Variants in MACROD2 observed in about 807,000 individuals in gnomAD.
The protein encoded by MACROD2 is mono-ADP ribosylhydrolase 2, also known as ADP-ribose glycohydrolase MACROD2.
Under a neutral mutation model 70.4 loss-of-function variants are expected in MACROD2, and 36 were observed. The ratio of observed to expected loss-of-function variants is 0.51; its 90% CI spans 0.39 to 0.68. MACROD2 has a LOEUF of 0.68. Among genes scored for constraint, MACROD2 ranks in the 30% least tolerant of loss-of-function variants. The pLI is 0.00. For missense variants in MACROD2, 496 were observed against 538.4 expected, an observed-to-expected ratio of 0.92 and a Z score of 0.78; for synonymous variants, 172 against 178.8, an observed-to-expected ratio of 0.96 and a Z score of 0.30.
chr20:14,152,043 G>T lies in MACROD2; in HGVS notation c.271+66315G>T, dbSNP rs1042643280. Reference sequence around the variant, plus strand: ...TCACTGTGTTAGCCAGGATGGTCTCGATCTCCTGACCTCATGATCTGCCCG... The same window carrying T: ...TCACTGTGTTAGCCAGGATGGTCTCTATCTCCTGACCTCATGATCTGCCCG... On this transcript the variant is annotated intron_variant, in intron 3 of 17. Coordinates refer to ENST00000684519, the MANE Select transcript of MACROD2 (RefSeq NM_001351661.2). Among the ~76,000 whole-genome samples, 4 of 151,488 alleles carry T rather than the reference G, an allele frequency of 2.6e-5. No homozygotes were observed. In the East Asian group the frequency reaches 5.8e-4, roughly 22 times the overall value.
intron 3 of MACROD2, among the ~76,000 whole-genome samples, chr20:14,379,020 C>T (rs1424916874): frequency 6.6e-6 from 1 of 152,184 alleles, no homozygotes; most frequent in East Asian, 1.9e-4. Flanking sequence ...TTTCTCCGAG[C>T]ACTTTCCCCA....
At chr20:15,292,046 T>G (rs1045763866) in intron 6 of MACROD2, among the ~76,000 whole-genome samples, 1 of 152,168 alleles carries the variant, frequency 6.6e-6, no homozygotes, top group Admixed American at 6.5e-5. Context: ...TGTTGCTTTG[T>G]TTTTTGTTTT....
intron 4 of MACROD2, among the ~76,000 whole-genome samples, chr20:14,675,690 A>T (rs1234914359): frequency 6.6e-6 from 1 of 152,208 alleles, no homozygotes; most frequent in East Asian, 1.9e-4. Flanking sequence ...ACAGGATCAA[A>T]TTCACACATA....
chr20:14,570,194 A>G (rs1980094176), intron 4 of MACROD2, among the ~76,000 whole-genome samples: 1 of 152,216 alleles, frequency 6.6e-6, no homozygotes, highest in Non-Finnish European at 1.5e-5. Context: ...CGTATATACA[A>G]CGGCATGGAT....
intron 3 of MACROD2, among the ~76,000 whole-genome samples, chr20:14,140,369 T>A (rs1034195737): frequency 6.6e-5 from 10 of 152,334 alleles, no homozygotes; most frequent in Non-Finnish European, 1.3e-4. Context: ...AGGTAGTTTT[T>A]TCTGTTATTA....
At chr20:14,349,358 C>A (rs1035884409) in intron 3 of MACROD2, among the ~76,000 whole-genome samples, 1 of 150,488 alleles carries the variant, frequency 6.6e-6, no homozygotes, top group Non-Finnish European at 1.5e-5. Flanking sequence ...TCATGGAAAA[C>A]AGGGTACCCA....
At chr20:16,017,352 A>G (rs2066943143) in intron 15 of MACROD2, among the ~76,000 whole-genome samples, 1 of 152,208 alleles carries the variant, frequency 6.6e-6, no homozygotes, top group African/African-American at 2.4e-5. Flanking sequence ...CCTAGACAGT[A>G]TCTGACACTC....
At chr20:15,464,579 A>G (rs546817787) in intron 7 of MACROD2, among the ~76,000 whole-genome samples, 1 of 152,320 alleles carries the variant, frequency 6.6e-6, no homozygotes, top group East Asian at 1.9e-4. Flanking sequence ...TATGTTAACC[A>G]TTCTTGGAAT....
At chr20:15,533,997 AT>A (rs1417371993) in intron 8 of MACROD2, among the ~76,000 whole-genome samples, 1 of 152,086 alleles carries the variant, frequency 6.6e-6, no homozygotes, top group African/African-American at 2.4e-5. Context: ...TAGCCAAGAT[AT>A]TTTTTTCCCA....
chr20:14,683,600 C>G (rs1475776870), intron 4 of MACROD2, among the ~76,000 whole-genome samples: 1 of 152,070 alleles, frequency 6.6e-6, no homozygotes, highest in Non-Finnish European at 1.5e-5. Context: ...CTTGTGAGGC[C>G]AAAAGTGATG....
Position 15,064,487 on chromosome 20 carries a change from T to A in MACROD2, c.419-165453T>A, listed in dbSNP as rs183467494. On this transcript the variant is annotated intron_variant, in intron 5 of 17. Transcript: ENST00000684519. ...CCTTTCTAATATTTCACATTGAAGT[T>A]CTTATAATGCAGAATCTCCCTGAAA... is the stretch of plus-strand genomic sequence containing the variant. Among the ~76,000 whole-genome samples the A allele has an allele frequency of 6.6e-5, 10 of 152,336 alleles. No individual in the cohort carries two copies. In the East Asian group the frequency reaches 1.9e-3, roughly 29 times the overall value.
intron 5 of MACROD2, among the ~76,000 whole-genome samples, chr20:14,881,032 A>G (rs958782655): frequency 1.3e-5 from 2 of 152,128 alleles, no homozygotes; most frequent in Non-Finnish European, 1.5e-5. Context: ...GAGTCCTTGA[A>G]AGCAAATCCC....
At chr20:15,723,515 T>G (rs2050818340) in intron 8 of MACROD2, among the ~76,000 whole-genome samples, 1 of 152,204 alleles carries the variant, frequency 6.6e-6, no homozygotes, top group Non-Finnish European at 1.5e-5. Context: ...TTTCTAAGAA[T>G]GTCATATAGT....
At position 15,651,640 on chromosome 20, in the gene MACROD2, C is replaced by T. The variant is rs186084752; in HGVS notation, c.645+151793C>T. ...CTGGAAAGTGGTGTATCAGTGACTC[C>T]GCTTTCAATCCAATCATCCTCCCAT... On this transcript the variant is annotated intron_variant, in intron 8 of 17. Coordinates refer to ENST00000684519, the MANE Select transcript of MACROD2 (RefSeq NM_001351661.2). Among the ~76,000 whole-genome samples, 246 of 152,188 alleles carry T rather than the reference C, an allele frequency of 1.6e-3. No individual in the cohort carries two copies. In the Middle Eastern group the frequency reaches 0.017, roughly 11 times the overall value.
intron 6 of MACROD2, among the ~76,000 whole-genome samples, chr20:15,256,985 T>C (rs1479950706): frequency 2.0e-5 from 3 of 152,146 alleles, no homozygotes; most frequent in Middle Eastern, 3.4e-3. Context: ...AAAAAGTGTG[T>C]TTAAATTTTA....
rs76531965 is a variant in MACROD2 at position 15,717,757 on chromosome 20, C to G, written c.646-144988C>G. 1.7e-3 allele frequency among the ~76,000 whole-genome samples: 254 copies of G among 152,188 alleles called. 1 individual carries two copies. Among genetic ancestry groups the G allele is most frequent in the African/African-American group, 5.9e-3 (246 of 41,522 alleles). ...GAATGGAGGACCTTGGGAACAGCTA[C>G]TTTGGTGGAATTGTAGGGAGGGAGC... On this transcript the variant is annotated intron_variant, in intron 8 of 17. Transcript: ENST00000684519.
At chr20:14,915,424 T>G (rs1000090141) in intron 5 of MACROD2, among the ~76,000 whole-genome samples, 5 of 152,206 alleles carry the variant, frequency 3.3e-5, no homozygotes, top group African/African-American at 1.2e-4. Context: ...TTTGAATGTC[T>G]TCCAAAACCT....
chr20:15,462,116 A>C lies in MACROD2; in HGVS notation c.571+30681A>C, dbSNP rs529290144. 2.6e-5 allele frequency among the ~76,000 whole-genome samples: 4 copies of C among 152,310 alleles called. No homozygotes were observed. In the South Asian group the frequency reaches 8.3e-4, roughly 32 times the overall value. On this transcript the variant is annotated intron_variant, in intron 7 of 17. Coordinates refer to ENST00000684519, the MANE Select transcript of MACROD2 (RefSeq NM_001351661.2). The stretch of plus-strand genomic sequence containing the variant: ...TATATGTCTGTAAGAGCTACGTGGA[A>C]TCTAGTTTCCAGATGGAATTCCCTT...
At chr20:14,230,654 T>TATATATATATATATATATATATATA in intron 3 of MACROD2, among the ~76,000 whole-genome samples, 1 of 74,240 alleles carries the variant, frequency 1.3e-5, no homozygotes, top group African/African-American at 6.8e-5. Context: ...TATATATATA[T>TATATATATATATATATATATATATA]AACACAGGCT....
Sources: gnomAD v4.1 joint callset for allele counts (sites outside exome capture counted in the v4.1 genomes callset) on GRCh38, gnomAD v4.1.1 for gene constraint, MANE v1.5 for transcripts, NCBI Gene and HGNC (gene_info 2026-07-23, HGNC 2026-07-21) for gene names.